The following FHIP2A variants were observed in gnomAD, a reference collection of about 807,000 sequenced individuals.
The protein encoded by FHIP2A is FHF complex subunit HOOK interacting protein 2A.
Under a neutral mutation model 93.5 loss-of-function variants are expected in FHIP2A, and 46 were observed. The ratio of observed to expected loss-of-function variants is 0.49; its 90% CI spans 0.39 to 0.63. The LOEUF (loss-of-function observed/expected upper bound fraction) is 0.63, where lower values mean the gene tolerates loss of function less well. Among genes scored for constraint, FHIP2A ranks in the 20% least tolerant of loss-of-function variants. The pLI, the probability that FHIP2A is intolerant of heterozygous loss-of-function variation, is 0.00. For missense variants in FHIP2A, 769 were observed against 909.7 expected (o/e 0.85, Z 1.99); for synonymous variants, 332 against 326.5 (o/e 1.02, Z -0.18).
intron 16 of FHIP2A, among the ~76,000 whole-genome samples, chr10:114,875,910 G>GAGAAAGAA (rs77786368): frequency 0.011 from 848 of 74,806 alleles, 53 homozygotes; most frequent in East Asian, 0.048. Flanking sequence ...AATAAAGAAA[G>GAGAAAGAA]AGAAAGAAAG....
At chr10:114,854,427 G>C (rs1330912042) in intron 13 of FHIP2A, among the ~76,000 whole-genome samples, 1 of 152,092 alleles carries the variant, frequency 6.6e-6, no homozygotes, top group African/African-American at 2.4e-5. Context: ...GGGAGGCGGA[G>C]GTTGTGGTGA....
At chr10:114,887,550 C>G (rs148838106) in intron 16 of FHIP2A, among the ~76,000 whole-genome samples, 314 of 152,314 alleles carry the variant, frequency 2.1e-3, no homozygotes, top group African/African-American at 6.9e-3. Context: ...CAGACCTGAC[C>G]CTAGGCAGTG....
At chr10:114,878,689 A>G (rs1319493557) in intron 16 of FHIP2A, among the ~76,000 whole-genome samples, 2 of 151,544 alleles carry the variant, frequency 1.3e-5, no homozygotes, top group Non-Finnish European at 2.9e-5. Flanking sequence ...TGAGGCAGAC[A>G]GAAGTGCTTG....
intron 16 of FHIP2A, among the ~76,000 whole-genome samples, chr10:114,888,781 T>C (rs1320367667): frequency 6.6e-6 from 1 of 152,090 alleles, no homozygotes; most frequent in Non-Finnish European, 1.5e-5. Context: ...TTTTGTATTT[T>C]TAGTAGAGAT....
In FHIP2A at chr10:114,862,423, A is replaced by G. The variant is rs2083806013; in HGVS notation, c.*883A>G. The G allele has an allele frequency of 1.0e-6, 1 of 986,978 alleles. No individual in the cohort carries two copies. The highest frequency in any genetic ancestry group is 4.7e-5 in the South Asian group (1 of 21,298). 61.1% of individuals were successfully genotyped at this position (986,978 alleles called of 1,614,324 possible). On this transcript the variant is annotated 3_prime_UTR_variant, in exon 17 of 17. Transcript: ENST00000369248. ...TTTATAATTTGATTTTCTTACTGAA[A>G]CGCATGGTGGTGTCTAGGTGGGGAA...
chr10:114,893,798 C>T (rs924730184), intron 16 of FHIP2A, among the ~76,000 whole-genome samples: 4 of 151,978 alleles, frequency 2.6e-5, no homozygotes, highest in Non-Finnish European at 5.9e-5. Context: ...TTCATACATT[C>T]ATTGAAAATT....
chr10:114,829,335 T>C (rs1344252473), intron 1 of FHIP2A, among the ~76,000 whole-genome samples: 2 of 151,880 alleles, frequency 1.3e-5, no homozygotes, highest in Non-Finnish European at 2.9e-5. Flanking sequence ...TCATGAACTT[T>C]CTGGGGAAAG....
chr10:114,868,769 C>G (rs2083843309), downstream of FHIP2A, among the ~76,000 whole-genome samples: 1 of 152,130 alleles, frequency 6.6e-6, no homozygotes, highest in Non-Finnish European at 1.5e-5. Flanking sequence ...TAATGGTACC[C>G]ATGTTGTGAT....
chr10:114,868,217 C>T (rs1305610166), downstream of FHIP2A, among the ~76,000 whole-genome samples: 2 of 152,270 alleles, frequency 1.3e-5, no homozygotes, highest in East Asian at 3.9e-4. Flanking sequence ...AGTACCAGTC[C>T]GTGGCCGGTT....
At chr10:114,867,880 C>G (rs563104845), downstream of FHIP2A, among the ~76,000 whole-genome samples, 6 of 151,826 alleles carry the variant, frequency 4.0e-5, no homozygotes, top group African/African-American at 7.3e-5. Flanking sequence ...GAGGTGGCTT[C>G]AAGGAATTAC....
Position 114,864,330 on chromosome 10 carries a change from C to G in FHIP2A, c.*2790C>G, listed in dbSNP as rs2083817821. On this transcript the variant is annotated 3_prime_UTR_variant, in exon 17 of 17. Coordinates refer to ENST00000369248, the MANE Select transcript of FHIP2A (RefSeq NM_020940.4). ...AGACGTTACAGTGAAGTGCTAAAAC[C>G]ACACTATATGGTAATTATATTTTGG... 1.0e-6 allele frequency: 1 copy of G among 985,442 alleles called. No homozygotes were observed. The allele number at this position is 985,442 out of a possible 1,614,324, so 61.0% of individuals were successfully genotyped here. A position where few individuals can be genotyped will look rare whatever the true frequency, so the allele number is the denominator to read the frequency against.
chr10:114,878,983 A>G (rs999150727), intron 16 of FHIP2A, among the ~76,000 whole-genome samples: 1 of 152,198 alleles, frequency 6.6e-6, no homozygotes, highest in Non-Finnish European at 1.5e-5. Context: ...TGAAATGAGA[A>G]GTTAAATAAT....
intron 1 of FHIP2A, among the ~76,000 whole-genome samples, chr10:114,822,373 A>T (rs1488290960): frequency 1.3e-5 from 2 of 150,616 alleles, no homozygotes; most frequent in African/African-American, 2.5e-5. Flanking sequence ...GCCCTCCTCC[A>T]GGAGCCGGGG....
chr10:114,835,853 C>T lies in FHIP2A; in HGVS notation c.399+212C>T, dbSNP rs111430681. Among the ~76,000 whole-genome samples the T allele has an allele frequency of 7.2e-3, 1,098 of 152,154 alleles. 16 individuals are homozygous for T. Among genetic ancestry groups the T allele is most frequent in the African/African-American group, 0.025 (1,058 of 41,502 alleles). On this transcript the variant is annotated intron_variant, in intron 4 of 16. Transcript: ENST00000369248. Reference sequence around the variant, plus strand: ...TTCTGATTCTCTTTAAAATTTTATACATGAATTTTCCTTGGATTTTACTTC... The same window carrying T: ...TTCTGATTCTCTTTAAAATTTTATATATGAATTTTCCTTGGATTTTACTTC...
chr10:114,852,051 C>G (rs1592022515), intron 13 of FHIP2A, among the ~76,000 whole-genome samples: 1 of 151,854 alleles, frequency 6.6e-6, no homozygotes, highest in African/African-American at 2.4e-5. Context: ...CCTGTAACTT[C>G]GCTGAACTCG....
At chr10:114,880,942 G>A (rs1333179866) in intron 16 of FHIP2A, among the ~76,000 whole-genome samples, 1 of 152,140 alleles carries the variant, frequency 6.6e-6, no homozygotes, top group Non-Finnish European at 1.5e-5. Flanking sequence ...CTCCTTACAA[G>A]GCCATCTCAA....
chr10:114,843,765 T>G lies in FHIP2A; in HGVS notation c.841T>G (p.Cys281Gly). 4 of 1,562,984 alleles carry G rather than the reference T, an allele frequency of 2.6e-6. No individual in the cohort carries two copies. Among genetic ancestry groups the G allele is most frequent in the African/African-American group, 1.4e-5 (1 of 72,664 alleles). ...GGATGGCAGAATAGCTGTGAAGGCA[T>G]GTGAAGGCTTGATGCTGTTAGTAAG... The part of the protein sequence containing the change: ...SPDGRIAVKA[C>G]EGLMLLVSLP... Residue 281 changes from cysteine to glycine, a missense_variant, in exon 7 of 17, where the codon TGT (cysteine) becomes GGT (glycine). Transcript: ENST00000369248.
At chr10:114,858,710 T>C (rs527327092) in intron 14 of FHIP2A, among the ~76,000 whole-genome samples, 1 of 152,260 alleles carries the variant, frequency 6.6e-6, no homozygotes, top group East Asian at 1.9e-4. Flanking sequence ...AAGGCTATTC[T>C]GTTGCAAATA....
intron 3 of FHIP2A, among the ~76,000 whole-genome samples, chr10:114,833,824 A>G (rs2083622182): frequency 6.6e-6 from 1 of 152,230 alleles, no homozygotes; most frequent in South Asian, 2.1e-4. Context: ...GGCCTGATGA[A>G]TTTTGAAAAA....
Sources: gnomAD v4.1 joint callset for allele counts (sites outside exome capture counted in the v4.1 genomes callset) on GRCh38, gnomAD v4.1.1 for gene constraint, MANE v1.5 for transcripts, NCBI Gene and HGNC (gene_info 2026-07-23, HGNC 2026-07-21) for gene names.